BLTP3B: variants seen among roughly 807,000 people sequenced by gnomAD.
BLTP3B encodes bridge-like lipid transfer protein family member 3B, also known as UHRF1 (ICBP90) binding protein 1-like.
the BLTP3B span, chr12:100,050,195 G>T: frequency 2.6e-6 from 4 of 1,567,442 alleles, no homozygotes; most frequent in Non-Finnish European, 3.4e-6. Flanking sequence ...AGGTAATGCC[G>T]AAGGCTGATA....
At chr12:100,120,164 A>G in the BLTP3B span, among the ~76,000 whole-genome samples, 1 of 152,112 alleles carries the variant, frequency 6.6e-6, no homozygotes, top group Non-Finnish European at 1.5e-5. Context: ...ATCACCTGAG[A>G]TAAGGAGTTT....
chr12:100,094,888 T>G, the BLTP3B span, among the ~76,000 whole-genome samples: 1 of 152,148 alleles, frequency 6.6e-6, no homozygotes, highest in African/African-American at 2.4e-5. Flanking sequence ...GCCATTCCCA[T>G]GTACAAAGCT....
the BLTP3B span, among the ~76,000 whole-genome samples, chr12:100,110,127 A>G: frequency 1.3e-5 from 2 of 152,366 alleles, no homozygotes; most frequent in South Asian, 2.1e-4. Flanking sequence ...CTACTGGCTA[A>G]CAAGAGTTAG....
chr12:100,047,740 C>T, the BLTP3B span: 68 of 1,076,178 alleles, frequency 6.3e-5, 3 homozygotes, highest in Middle Eastern at 4.0e-4. Flanking sequence ...GCTGATATAG[C>T]GAGAAAACTG....
the BLTP3B span, among the ~76,000 whole-genome samples, chr12:100,115,054 G>A: frequency 1.3e-5 from 2 of 152,148 alleles, no homozygotes; most frequent in Admixed American, 1.3e-4. Flanking sequence ...CAAAAAAAAG[G>A]TGCAAAATTT....
At chr12:100,124,913 C>A in the BLTP3B span, among the ~76,000 whole-genome samples, 2,369 of 109,288 alleles carry the variant, frequency 0.022, 28 homozygotes, top group African/African-American at 0.029. Flanking sequence ...CAGAGTGAGA[C>A]CCTGCCTTAA....
chr12:100,137,838 GA>G, the BLTP3B span, among the ~76,000 whole-genome samples: 1 of 152,112 alleles, frequency 6.6e-6, no homozygotes, highest in African/African-American at 2.4e-5. Context: ...GCCTATTACA[GA>G]TGACTAATGG....
chr12:100,053,176 G>A, the BLTP3B span, among the ~76,000 whole-genome samples: 1 of 151,872 alleles, frequency 6.6e-6, no homozygotes, highest in Admixed American at 6.6e-5. Context: ...AGGCTGAGGC[G>A]GGTGGATTAT....
the BLTP3B span, among the ~76,000 whole-genome samples, chr12:100,091,940 C>T: frequency 6.6e-6 from 1 of 151,848 alleles, no homozygotes; most frequent in East Asian, 1.9e-4. Context: ...TCCTGAGTGG[C>T]TGGGATTACA....
chr12:100,069,660 G>T, the BLTP3B span, among the ~76,000 whole-genome samples: 1 of 151,992 alleles, frequency 6.6e-6, no homozygotes, highest in Non-Finnish European at 1.5e-5. Context: ...TAAGCTATGA[G>T]AATGCAAAAG....
the BLTP3B span, among the ~76,000 whole-genome samples, chr12:100,052,934 C>T: frequency 1.5e-3 from 227 of 151,642 alleles, no homozygotes; most frequent in African/African-American, 5.3e-3. Flanking sequence ...GCTGGGACTA[C>T]AGGCGTGTGC....
the BLTP3B span, among the ~76,000 whole-genome samples, chr12:100,062,305 CTTT>C: frequency 2.6e-5 from 4 of 152,130 alleles, no homozygotes; most frequent in Non-Finnish European, 5.9e-5. Flanking sequence ...GCTTTTTCTT[CTTT>C]ATTGTTAAAA....
chr12:100,071,497 CAAAAAAAAAAAAA>C, the BLTP3B span, among the ~76,000 whole-genome samples: 1 of 78,682 alleles, frequency 1.3e-5, no homozygotes, highest in African/African-American at 4.9e-5. Context: ...ACTATGTCTC[CAAAAAAAAAAAAA>C]AAAAAAAAGG....
the BLTP3B span, among the ~76,000 whole-genome samples, chr12:100,052,944 C>T: frequency 6.6e-6 from 1 of 151,604 alleles, no homozygotes; most frequent in African/African-American, 2.4e-5. Flanking sequence ...CAGGCGTGTG[C>T]CACTATGCCT....
At chr12:100,050,366 C>A in the BLTP3B span, 1 of 1,503,286 alleles carries the variant, frequency 6.7e-7, no homozygotes, top group Non-Finnish European at 8.9e-7. Context: ...CAGTTCAAAA[C>A]AAAATTTAAG....
chr12:100,084,494 G>A, the BLTP3B span: 2 of 1,613,698 alleles, frequency 1.2e-6, no homozygotes, highest in South Asian at 2.2e-5. Flanking sequence ...GTGTGCTGGG[G>A]AGAGGCATGT....
chr12:100,043,084 C>T, the BLTP3B span, among the ~76,000 whole-genome samples: 7 of 152,302 alleles, frequency 4.6e-5, no homozygotes, highest in African/African-American at 1.7e-4. Flanking sequence ...CAGGCGTGAG[C>T]CACCACGCCC....
the BLTP3B span, among the ~76,000 whole-genome samples, chr12:100,138,916 C>T: frequency 2.6e-5 from 4 of 152,180 alleles, no homozygotes; most frequent in African/African-American, 9.7e-5. Flanking sequence ...GTAGCTTCTG[C>T]TTTTATTTCC....
the BLTP3B span, among the ~76,000 whole-genome samples, chr12:100,060,660 T>C: frequency 3.3e-5 from 5 of 152,190 alleles, no homozygotes; most frequent in African/African-American, 1.2e-4. Context: ...AATAATAAAA[T>C]GAATTCACTC....
Sources: gnomAD v4.1 joint callset for allele counts (sites outside exome capture counted in the v4.1 genomes callset) on GRCh38, gnomAD v4.1.1 for gene constraint, MANE v1.5 for transcripts, NCBI Gene and HGNC (gene_info 2026-07-23, HGNC 2026-07-21) for gene names.